The following NELL1 variants were observed in gnomAD, a reference collection of about 807,000 sequenced individuals.
The protein encoded by NELL1 is neural EGFL like 1.
A neutral mutation model predicts 107.4 loss-of-function variants in NELL1; 76 were observed. The ratio of observed to expected loss-of-function variants is 0.71; its 90% CI spans 0.59 to 0.86. The LOEUF is 0.86. Among genes scored for constraint, NELL1 ranks in the 40% least tolerant of loss-of-function variants. The pLI is 0.00. For synonymous variants in NELL1, 353 were observed against 341.2 expected (o/e 1.03, Z -0.38); for missense variants, 1,024 against 1,005.5 (o/e 1.02, Z -0.25).
At chr11:21,334,011 C>A (rs1190688200) in intron 14 of NELL1, among the ~76,000 whole-genome samples, 1 of 152,032 alleles carries the variant, frequency 6.6e-6, no homozygotes, top group Non-Finnish European at 1.5e-5. Context: ...ATAGAAATTT[C>A]TGCATGTGCA....
rs1231450298 is a variant in NELL1 at position 21,276,529 on chromosome 11, C to G, written c.1549+47075C>G. ...ATCAAGCTACCAATGACTTTCTTCA[C>G]AGAATTGGAAAAAACTACTTTAAAG... On this transcript the variant is annotated intron_variant, in intron 14 of 19. Transcript: ENST00000357134. Among the ~76,000 whole-genome samples, 3 of 152,072 alleles carry G rather than the reference C, an allele frequency of 2.0e-5. No individual in the cohort carries two copies. In the East Asian group the frequency reaches 5.8e-4, roughly 29 times the overall value.
At chr11:21,545,589 A>G (rs1856421605) in intron 16 of NELL1, among the ~76,000 whole-genome samples, 1 of 152,060 alleles carries the variant, frequency 6.6e-6, no homozygotes, top group East Asian at 1.9e-4. Flanking sequence ...AACAAGCAAC[A>G]GGAGAAGCTT....
intron 15 of NELL1, among the ~76,000 whole-genome samples, chr11:21,488,809 G>A (rs964571201): frequency 6.6e-6 from 1 of 151,678 alleles, no homozygotes; most frequent in African/African-American, 2.4e-5. Flanking sequence ...AAATTATATA[G>A]CAATAAATGC....
intron 4 of NELL1, among the ~76,000 whole-genome samples, chr11:20,851,670 A>T (rs1848797884): frequency 6.6e-6 from 1 of 152,082 alleles, no homozygotes; most frequent in Non-Finnish European, 1.5e-5. Context: ...CCTTCTCTTT[A>T]TTTGTAACTT....
At chr11:20,828,953 G>T (rs746110771) in intron 3 of NELL1, among the ~76,000 whole-genome samples, 15 of 152,130 alleles carry the variant, frequency 9.9e-5, no homozygotes, top group Non-Finnish European at 2.2e-4. Context: ...AAGTCCAGAG[G>T]ATCCAGTCTT....
chr11:20,943,911 T>G (rs2134194271), intron 10 of NELL1, among the ~76,000 whole-genome samples: 1 of 152,322 alleles, frequency 6.6e-6, no homozygotes, highest in East Asian at 1.9e-4. Flanking sequence ...GGCCCATTGA[T>G]TCCCTTGATA....
intron 2 of NELL1, among the ~76,000 whole-genome samples, chr11:20,759,790 C>T (rs748931032): frequency 6.6e-6 from 1 of 152,172 alleles, no homozygotes; most frequent in Non-Finnish European, 1.5e-5. Flanking sequence ...ACAGAGGTGT[C>T]CTCCCCACTT....
chr11:21,108,049 G>C (rs1287376061), intron 12 of NELL1, among the ~76,000 whole-genome samples: 1 of 152,148 alleles, frequency 6.6e-6, no homozygotes, highest in Non-Finnish European at 1.5e-5. Flanking sequence ...AATGAGATGA[G>C]AGGCACACAG....
At chr11:21,193,937 G>A (rs1488498183) in intron 13 of NELL1, among the ~76,000 whole-genome samples, 1 of 151,768 alleles carries the variant, frequency 6.6e-6, no homozygotes, top group Non-Finnish European at 1.5e-5. Flanking sequence ...AGTTGCAATG[G>A]GTTTCATCTT....
chr11:21,443,987 TAA>T (rs1310240227), intron 15 of NELL1, among the ~76,000 whole-genome samples: 3 of 152,170 alleles, frequency 2.0e-5, no homozygotes, highest in African/African-American at 7.2e-5. Flanking sequence ...CTTTTTCCAC[TAA>T]CTAGAGATAA....
At chr11:21,093,777 C>G (rs137867460) in intron 12 of NELL1, among the ~76,000 whole-genome samples, 1 of 152,174 alleles carries the variant, frequency 6.6e-6, no homozygotes, top group Non-Finnish European at 1.5e-5. Flanking sequence ...GAGATTTATT[C>G]GCTATCATGA....
intron 12 of NELL1, among the ~76,000 whole-genome samples, chr11:21,057,049 G>T (rs1398975642): frequency 1.3e-5 from 2 of 152,020 alleles, no homozygotes; most frequent in Non-Finnish European, 2.9e-5. Context: ...AAGTTTGAAG[G>T]CTTGAAAAAC....
At chr11:21,547,139 A>C (rs1856462935) in intron 16 of NELL1, among the ~76,000 whole-genome samples, 1 of 151,800 alleles carries the variant, frequency 6.6e-6, no homozygotes, top group South Asian at 2.1e-4. Context: ...AAAGCAACTA[A>C]CTTCTCATGG....
intron 13 of NELL1, among the ~76,000 whole-genome samples, chr11:21,128,894 A>G (rs1855551034): frequency 6.6e-6 from 1 of 152,352 alleles, no homozygotes; most frequent in African/African-American, 2.4e-5. Context: ...AGCCAAACCC[A>G]GGAGGGATAC....
chr11:21,336,114 C>G (rs1303125978), intron 14 of NELL1, among the ~76,000 whole-genome samples: 1 of 151,916 alleles, frequency 6.6e-6, no homozygotes, highest in Non-Finnish European at 1.5e-5. Context: ...GATGTCAAAG[C>G]CTCAGTGTTT....
intron 15 of NELL1, among the ~76,000 whole-genome samples, chr11:21,506,188 A>C (rs1855274771): frequency 6.6e-6 from 1 of 152,220 alleles, no homozygotes; most frequent in African/African-American, 2.4e-5. Flanking sequence ...AAGAATTGTC[A>C]ATTTGACTAC....
intron 2 of NELL1, among the ~76,000 whole-genome samples, chr11:20,730,738 G>C (rs1397950635): frequency 2.0e-5 from 3 of 152,186 alleles, no homozygotes; most frequent in African/African-American, 4.8e-5. Context: ...TTAACCTTGA[G>C]AGCAGCAGAC....
At chr11:21,267,430 T>A (rs1477955050) in intron 14 of NELL1, among the ~76,000 whole-genome samples, 1 of 152,156 alleles carries the variant, frequency 6.6e-6, no homozygotes, top group Non-Finnish European at 1.5e-5. Context: ...TATATGCATT[T>A]TTTTCTCTCC....
intron 16 of NELL1, among the ~76,000 whole-genome samples, chr11:21,555,796 A>C (rs567967588): frequency 1.3e-5 from 2 of 152,006 alleles, no homozygotes; most frequent in South Asian, 4.2e-4. Flanking sequence ...GTTTTGCCAA[A>C]GTGAGATGAG....
Sources: allele counts gnomAD v4.1 joint callset (sites outside exome capture counted in the v4.1 genomes callset), GRCh38; gene constraint gnomAD v4.1.1; transcripts MANE v1.5; gene names NCBI Gene and HGNC (gene_info 2026-07-23, HGNC 2026-07-21).